LARP4B: variants seen among roughly 807,000 people sequenced by gnomAD.
LARP4B encodes the protein La ribonucleoprotein 4B, also known as la-related protein 4B.
In LARP4B, 12 loss-of-function variants were observed where a neutral mutation model predicts 89.8. The observed-to-expected ratio is 0.13, with a 90% CI of 0.09 to 0.22. The LOEUF (loss-of-function observed/expected upper bound fraction) is 0.22. Ranked by LOEUF, LARP4B falls within the 10% of genes least tolerant of loss-of-function variation. The probability of loss-of-function intolerance (pLI) is 1.00; values close to 1 mark genes in which losing one functional copy is unlikely to be tolerated. For synonymous variants in LARP4B, 367 were observed against 363.3 expected (o/e 1.01, Z -0.12); for missense variants, 757 against 947.7 (o/e 0.80, Z 2.64).
intron 5 of LARP4B, among the ~76,000 whole-genome samples, chr10:860,746 C>T (rs1163441533): frequency 1.3e-5 from 2 of 152,148 alleles, no homozygotes; most frequent in Non-Finnish European, 2.9e-5. Context: ...TTCTATCACA[C>T]GTCTGTTGTC....
upstream of LARP4B, among the ~76,000 whole-genome samples, chr10:936,547 C>A (rs1016165729): frequency 6.6e-6 from 1 of 152,028 alleles, no homozygotes; most frequent in East Asian, 1.9e-4. Flanking sequence ...TGGTGAAACA[C>A]CTGTCTCTAG....
In LARP4B at chr10:814,981, C is replaced by A. The variant is rs200902072; in HGVS notation, c.1785G>T (p.Thr595=). 12 of 1,607,084 alleles carry A rather than the reference C, an allele frequency of 7.5e-6. No individual in the cohort carries two copies. The highest frequency in any genetic ancestry group is 1.1e-5 in the South Asian group (1 of 90,280). The stretch of plus-strand genomic sequence containing the variant: ...GAGCTGGGGAGGGGGATCGCTCGTA[C>A]GTTGCTGATACAGCACAAGAAGCCG... ...SVPASCAVSA[T]YERSPSPAHL... is the part of the protein sequence containing the mutation. Residue 595 remains threonine, a synonymous_variant, in exon 16 of 18, where the codon ACG becomes ACT. Transcript: ENST00000316157. This position sits in a 1 kb window ranked among gnomAD's most constrained non-coding sequence, Gnocchi z 4.4.
At chr10:840,385 C>A (rs1041657675) in intron 7 of LARP4B, among the ~76,000 whole-genome samples, 2 of 152,172 alleles carry the variant, frequency 1.3e-5, no homozygotes. Context: ...TCTGAACCCA[C>A]AAAAATTCCT....
At chr10:866,268 A>G (rs1834894388) in intron 3 of LARP4B, among the ~76,000 whole-genome samples, 1 of 151,938 alleles carries the variant, frequency 6.6e-6, no homozygotes, top group South Asian at 2.1e-4. Flanking sequence ...ATTATAATCA[A>G]GAAGCACCAA....
chr10:817,499 C>T (rs927948291), intron 15 of LARP4B, among the ~76,000 whole-genome samples: 4 of 152,294 alleles, frequency 2.6e-5, no homozygotes, highest in East Asian at 3.9e-4. Flanking sequence ...TCATGGCACA[C>T]GTTTCTACCT....
intron 1 of LARP4B, among the ~76,000 whole-genome samples, chr10:904,807 G>A (rs1588977784): frequency 6.6e-6 from 1 of 152,206 alleles, no homozygotes; most frequent in Middle Eastern, 3.4e-3. Flanking sequence ...CTTTACTGCT[G>A]AGTACTCCCA....
Position 916,422 on chromosome 10 carries a change from G to A in LARP4B, c.-40+15006C>T, listed in dbSNP as rs554148644. Among the ~76,000 whole-genome samples, 16 of 152,280 alleles carry A rather than the reference G, an allele frequency of 1.1e-4. No individual in the cohort carries two copies. In the East Asian group the frequency reaches 1.9e-3, roughly 18 times the overall value. The stretch of plus-strand genomic sequence containing the variant: ...TTAAGAGACAAGGTCTTGGCTGGGC[G>A]CGATGGCTCATGCCTGTAATCCCAT... On this transcript the variant is annotated intron_variant, in intron 1 of 17. Transcript: ENST00000316157.
chr10:853,726 C>T (rs994566524), intron 5 of LARP4B, among the ~76,000 whole-genome samples: 1 of 152,182 alleles, frequency 6.6e-6, no homozygotes, highest in Non-Finnish European at 1.5e-5. Context: ...AAAATGTTAA[C>T]GATCATCTGA....
At chr10:941,384 G>A in the LARP4B span, among the ~76,000 whole-genome samples, 5 of 152,202 alleles carry the variant, frequency 3.3e-5, no homozygotes, top group African/African-American at 4.8e-5. Flanking sequence ...GCATGATCTC[G>A]GCTCACTGCA....
chr10:841,765 A>G (rs1833532487), intron 7 of LARP4B, among the ~76,000 whole-genome samples: 1 of 152,202 alleles, frequency 6.6e-6, no homozygotes. Flanking sequence ...ATCCTGGGAG[A>G]CAGCAGTGCC....
the LARP4B span, chr10:988,264 C>T: frequency 1.2e-5 from 7 of 566,358 alleles, no homozygotes; most frequent in Admixed American, 3.2e-5. Context: ...CTCCTCTGTA[C>T]CCTCGCTCCT....
chr10:938,481 C>T, the LARP4B span, among the ~76,000 whole-genome samples: 33 of 151,530 alleles, frequency 2.2e-4, no homozygotes, highest in Non-Finnish European at 3.7e-4. Flanking sequence ...GCTTGATCTC[C>T]TGCTCTTGTG....
chr10:967,959 C>T, the LARP4B span, among the ~76,000 whole-genome samples: 1 of 152,174 alleles, frequency 6.6e-6, no homozygotes, highest in Non-Finnish European at 1.5e-5. Context: ...GCCTCAGCCT[C>T]CCAAAGTGCT....
chr10:927,577 ACCTGAT>A (rs1837178637), intron 1 of LARP4B, among the ~76,000 whole-genome samples: 1 of 152,250 alleles, frequency 6.6e-6, no homozygotes, highest in Non-Finnish European at 1.5e-5. Context: ...CTAAACTCAG[ACCTGAT>A]GAGGTTAACT....
chr10:915,944 T>C lies in LARP4B; in HGVS notation c.-40+15484A>G, dbSNP rs993748652. ...CTGTTTTGAACAACATCCTTTTCAA[T>C]ATTTGACACATTTCCCAAAATCAAC... On this transcript the variant is annotated intron_variant, in intron 1 of 17. Transcript: ENST00000316157. Among the ~76,000 whole-genome samples the C allele has an allele frequency of 2.0e-5, 3 of 152,144 alleles. No individual in the cohort carries two copies. In the East Asian group the frequency reaches 5.8e-4, roughly 29 times the overall value.
At chr10:931,857 C>G (rs1341980533), upstream of LARP4B, among the ~76,000 whole-genome samples, 2 of 151,068 alleles carry the variant, frequency 1.3e-5, no homozygotes, top group Non-Finnish European at 3.0e-5. Flanking sequence ...TGGGCGCACC[C>G]GACGCTCGGC....
chr10:934,260 G>A (rs572190812), upstream of LARP4B, among the ~76,000 whole-genome samples: 5 of 152,100 alleles, frequency 3.3e-5, no homozygotes, highest in South Asian at 1.0e-3. Context: ...ACTTTAGGAG[G>A]CCAAGGCAGG....
the LARP4B span, chr10:986,388 A>G: frequency 6.6e-6 from 1 of 152,318 alleles, no homozygotes; most frequent in East Asian, 1.9e-4. Flanking sequence ...AGCATTTGCG[A>G]CACTCCTCAG....
At chr10:919,982 CACTT>C (rs948861545) in intron 1 of LARP4B, among the ~76,000 whole-genome samples, 2 of 152,204 alleles carry the variant, frequency 1.3e-5, no homozygotes, top group Non-Finnish European at 2.9e-5. Context: ...AATGACAAAA[CACTT>C]AATTTTCCTG....
Sources: gnomAD v4.1 joint callset for allele counts (sites outside exome capture counted in the v4.1 genomes callset) on GRCh38, gnomAD v4.1.1 for gene constraint, Gnocchi (gnomAD v3.1) non-coding constraint, MANE v1.5 for transcripts, NCBI Gene and HGNC (gene_info 2026-07-23, HGNC 2026-07-21) for gene names.